TGFBRAP1: variants seen among roughly 807,000 people sequenced by gnomAD.
TGFBRAP1 encodes transforming growth factor-beta receptor-associated protein 1.
A neutral mutation model predicts 83.2 loss-of-function variants in TGFBRAP1; 20 were observed. The observed-to-expected ratio is 0.24, with a 90% confidence interval of 0.17 to 0.35. The LOEUF (loss-of-function observed/expected upper bound fraction) is 0.35. Ranked by LOEUF, TGFBRAP1 falls within the 10% of genes least tolerant of loss-of-function variation. The pLI is 1.00. For synonymous variants in TGFBRAP1, 415 were observed against 459.8 expected, an observed-to-expected ratio of 0.90 and a Z score of 1.25; for missense variants, 950 against 1,099.4, an observed-to-expected ratio of 0.86 and a Z score of 1.92.
chr2:105,310,654 T>C (rs1004709683), intron 1 of TGFBRAP1, among the ~76,000 whole-genome samples: 1 of 152,080 alleles, frequency 6.6e-6, no homozygotes, highest in East Asian at 1.9e-4. Context: ...CTACAAATAG[T>C]CTCTGGCACA....
At position 105,298,557 on chromosome 2, in the gene TGFBRAP1, C is replaced by T. The variant is rs1183177142; in HGVS notation, c.837G>A (p.Lys279=). ...GGCCCTCCTTAAAGGGCAGCGTCTGCTTCTGTTGCTGATCCAACATGCTGT... is the reference window on the plus strand; with the variant it reads ...GGCCCTCCTTAAAGGGCAGCGTCTGTTTCTGTTGCTGATCCAACATGCTGT... ...TVHSMLDQQQ[K]QTLPFKEGHI... is the part of the protein sequence containing the mutation. Residue 279 remains lysine (K), a synonymous_variant, in exon 3 of 12, where the codon AAG becomes AAA. Transcript: ENST00000393359. 3.7e-6 allele frequency: 6 copies of T among 1,613,138 alleles called. No individual in the cohort carries two copies. Among genetic ancestry groups the T allele is most frequent in the South Asian group, 2.2e-5 (2 of 91,004 alleles).
At position 105,305,205 on chromosome 2, in the gene TGFBRAP1, AT is replaced by A. The variant is rs1339510649; in HGVS notation, c.688+2408del. 5.3e-5 allele frequency among the ~76,000 whole-genome samples: 8 copies of A among 152,174 alleles called. No individual in the cohort carries two copies. The East Asian group carries it at 1.3e-3, about 26-fold the overall frequency. ...AAACTGCTCTAAAAAAATAAAGTCT[AT>A]TTTTTTAAAAAGTGAAAAACAAGAG... On this transcript the variant is annotated intron_variant, in intron 2 of 11. Coordinates refer to ENST00000393359, the MANE Select transcript of TGFBRAP1 (RefSeq NM_004257.6).
chr2:105,324,613 T>G (rs1206722185), intron 1 of TGFBRAP1, among the ~76,000 whole-genome samples: 2 of 152,208 alleles, frequency 1.3e-5, no homozygotes, highest in Non-Finnish European at 2.9e-5. Flanking sequence ...AAAAGTTTTT[T>G]TTTCCTTCTG....
intron 2 of TGFBRAP1, 97 bp from the exon 3 acceptor site, chr2:105,298,802 G>T: frequency 8.5e-7 from 1 of 1,178,146 alleles, no homozygotes. Flanking sequence ...CTGCCCACCA[G>T]CAATTTTCCT....
rs749697411 is a variant in TGFBRAP1 at position 105,308,241 on chromosome 2, C to T, written c.61G>A (p.Asp21Asn). ...SAVERELLMG[D>N]KERVNIECVE... ...CACTCTATGTTGACGCGCTCCTTGT[C>T]GCCCATCAGCAGCTCCCGCTCCACA... is the stretch of plus-strand genomic sequence containing the variant. The change falls in exon 2 of 12, where the codon GAC (aspartate) becomes AAC (asparagine). Residue 21 changes from aspartate to asparagine, a missense_variant. By Grantham distance (23) the Asp-to-Asn change is conservative. Transcript: ENST00000393359. 3.8e-5 allele frequency: 61 copies of T among 1,614,054 alleles called. No individual in the cohort carries two copies. The highest frequency in any genetic ancestry group is 1.6e-4 in the East Asian group (7 of 44,886).
At chr2:105,298,484 C>A (rs766702456) in intron 3 of TGFBRAP1, 27 bp downstream of exon 3, 1 of 1,542,622 alleles carries the variant, frequency 6.5e-7, no homozygotes, top group East Asian at 2.3e-5. Context: ...AAGTAAATTT[C>A]ACTAAGACTT....
At chr2:105,256,765 G>T in the TGFBRAP1 span, among the ~76,000 whole-genome samples, 1 of 152,200 alleles carries the variant, frequency 6.6e-6, no homozygotes, top group Non-Finnish European at 1.5e-5. Context: ...CTACTGGGCT[G>T]CATTCCCAGA....
In TGFBRAP1 at chr2:105,273,409, G is replaced by A. The variant is rs368096260; in HGVS notation, c.1812+135C>T. ...GTCTCTTTCCGCAAGCCTCAAGGCC[G>A]CCATCAGACCATCAACAAGTACGGA... On this transcript the variant is annotated intron_variant, in intron 9 of 11. Coordinates refer to ENST00000393359, the MANE Select transcript of TGFBRAP1 (RefSeq NM_004257.6). The A allele has an allele frequency of 3.6e-5, 45 of 1,243,980 alleles. 2 individuals are homozygous for A. In the Middle Eastern group the frequency reaches 8.2e-4, roughly 23 times the overall value. The allele number at this position is 1,243,980 out of a possible 1,614,324, so 77.1% of individuals were successfully genotyped here. A position where few individuals can be genotyped will look rare whatever the true frequency, so the allele number is the denominator to read the frequency against.
chr2:105,300,452 TTTC>T (rs879685365), intron 2 of TGFBRAP1, among the ~76,000 whole-genome samples: 6,166 of 137,366 alleles, frequency 0.045, 177 homozygotes, highest in African/African-American at 0.076. Flanking sequence ...TTTTTTTTTT[TTTC>T]CGAGACAGTC....
chr2:105,268,701 C>A (rs1677030859), intron 11 of TGFBRAP1, among the ~76,000 whole-genome samples: 2 of 152,282 alleles, frequency 1.3e-5, no homozygotes, highest in East Asian at 1.9e-4. Flanking sequence ...ACGTCGGATA[C>A]CCGCTCTGGA....
At chr2:105,263,429 G>A (rs1676835186), downstream of TGFBRAP1, among the ~76,000 whole-genome samples, 1 of 152,196 alleles carries the variant, frequency 6.6e-6, no homozygotes, top group East Asian at 1.9e-4. Context: ...GGGAGCCACA[G>A]ATCTAGCTTG....
chr2:105,274,170 T>C (rs1677256572), intron 8 of TGFBRAP1, among the ~76,000 whole-genome samples: 1 of 152,232 alleles, frequency 6.6e-6, no homozygotes, highest in South Asian at 2.1e-4. Context: ...CTGGGTTATT[T>C]ATGATAGATG....
intron 1 of TGFBRAP1, among the ~76,000 whole-genome samples, chr2:105,321,424 T>C (rs1679063198): frequency 6.6e-6 from 1 of 152,198 alleles, no homozygotes; most frequent in Non-Finnish European, 1.5e-5. Flanking sequence ...CACCTCGGCC[T>C]TCCAAAGTGC....
At chr2:105,252,813 C>T in the TGFBRAP1 span, among the ~76,000 whole-genome samples, 14 of 130,152 alleles carry the variant, frequency 1.1e-4, no homozygotes, top group Admixed American at 9.4e-5. Flanking sequence ...AATGCAGTGG[C>T]GTGATCTCGG....
At chr2:105,259,161 C>G in the TGFBRAP1 span, among the ~76,000 whole-genome samples, 18 of 152,192 alleles carry the variant, frequency 1.2e-4, no homozygotes, top group Admixed American at 3.3e-4. Context: ...GGACACTGGC[C>G]TGCAATGCAG....
At chr2:105,295,809 C>CAAAAA (rs368369527) in intron 4 of TGFBRAP1, among the ~76,000 whole-genome samples, 4 of 74,954 alleles carry the variant, frequency 5.3e-5, no homozygotes, top group Non-Finnish European at 7.4e-5. Flanking sequence ...GACTCCATCT[C>CAAAAA]AAAAAAAAAA....
chr2:105,286,095 C>G (rs1185773873), intron 4 of TGFBRAP1, among the ~76,000 whole-genome samples: 1 of 152,070 alleles, frequency 6.6e-6, no homozygotes, highest in African/African-American at 2.4e-5. Flanking sequence ...CGGTAGGATT[C>G]AAATGGCATC....
At chr2:105,253,525 G>A in the TGFBRAP1 span, among the ~76,000 whole-genome samples, 1 of 152,062 alleles carries the variant, frequency 6.6e-6, no homozygotes, top group African/African-American at 2.4e-5. Flanking sequence ...TTAAACTCCT[G>A]GGCTCAAGTA....
chr2:105,295,803 C>G (rs569843904), intron 4 of TGFBRAP1, among the ~76,000 whole-genome samples: 149 of 120,714 alleles, frequency 1.2e-3, no homozygotes, highest in African/African-American at 4.9e-3. Context: ...GAGCGAGACT[C>G]CATCTCAAAA....
Sources: gnomAD v4.1 joint callset for allele counts (sites outside exome capture counted in the v4.1 genomes callset) on GRCh38, gnomAD v4.1.1 for gene constraint, MANE v1.5 for transcripts, NCBI Gene and HGNC (gene_info 2026-07-23, HGNC 2026-07-21) for gene names.